The following MACROH2A1 variants were observed in gnomAD, a reference collection of about 807,000 sequenced individuals.
MACROH2A1 encodes macroH2A.1 histone.
A neutral mutation model predicts 31.6 loss-of-function variants in MACROH2A1; 2 were observed. The observed-to-expected ratio is 0.06, with a 90% confidence interval of 0.03 to 0.20. The LOEUF (loss-of-function observed/expected upper bound fraction) is 0.20. Ranked by LOEUF, MACROH2A1 falls within the 10% of genes least tolerant of loss-of-function variation. MACROH2A1 has a pLI of 1.00. For missense variants in MACROH2A1, 230 were observed against 474.0 expected (o/e 0.49, Z 4.78); for synonymous variants, 169 against 189.6 (o/e 0.89, Z 0.89).
chr5:135,360,097 C>T (rs912756425), intron 5 of MACROH2A1: 9 of 267,136 alleles, frequency 3.4e-5, no homozygotes, highest in African/African-American at 2.0e-4. Context: ...CCGTTAGTGC[C>T]CCCCAGGACA....
chr5:135,343,033 C>T, intron 8 of MACROH2A1: 3 of 988,960 alleles, frequency 3.0e-6, no homozygotes, highest in Non-Finnish European at 2.9e-6. Flanking sequence ...TCTGTGATGA[C>T]ATTTGCTATC....
intron 2 of MACROH2A1, among the ~76,000 whole-genome samples, chr5:135,382,974 G>A (rs948686341): frequency 2.0e-5 from 3 of 152,204 alleles, no homozygotes; most frequent in African/African-American, 7.2e-5. Context: ...ATCAAGCTAT[G>A]CTGCACCTTC....
chr5:135,360,786 G>A, intron 4 of MACROH2A1, 179 bp from the exon 5 acceptor site: 1 of 699,222 alleles, frequency 1.4e-6, no homozygotes, highest in Non-Finnish European at 2.6e-6. Flanking sequence ...GAGTTCTGTG[G>A]AGTGTGTTAA....
intron 2 of MACROH2A1, among the ~76,000 whole-genome samples, chr5:135,378,211 G>A (rs1458501443): frequency 1.3e-5 from 2 of 152,218 alleles, no homozygotes; most frequent in Non-Finnish European, 2.9e-5. Context: ...CGCCTGCTGT[G>A]GCTCCTCAGG....
At chr5:135,376,577 G>A (rs1764901138) in intron 2 of MACROH2A1, among the ~76,000 whole-genome samples, 1 of 152,260 alleles carries the variant, frequency 6.6e-6, no homozygotes, top group Non-Finnish European at 1.5e-5. Flanking sequence ...GTCTGCAGGG[G>A]AGGGCAGCAA....
chr5:135,340,882 GATGTGGCCTGGGTAGCTGTACAC>G (rs1289906014), intron 8 of MACROH2A1, among the ~76,000 whole-genome samples: 1 of 152,220 alleles, frequency 6.6e-6, no homozygotes, highest in African/African-American at 2.4e-5. Context: ...CTGCCTGGCA[GATGTGGCCTGGGTAGCTGTACAC>G]ATGTGCTGCC....
Position 135,388,971 on chromosome 5 carries a change from A to G in MACROH2A1, c.123T>C (p.Ile41=). The G allele has an allele frequency of 6.2e-7, 1 of 1,613,416 alleles. No individual in the cohort carries two copies. Among genetic ancestry groups the G allele is most frequent in the Non-Finnish European group, 8.5e-7 (1 of 1,179,446 alleles). ...YIKKGHPKYR[I]GVGAPVYMAA... is the part of the protein sequence containing the mutation. ...CCATGTACACGGGTGCCCCCACTCCAATCCTGTACTTGGGGTGGCCTTTCT... is the reference window on the plus strand; with the variant it reads ...CCATGTACACGGGTGCCCCCACTCCGATCCTGTACTTGGGGTGGCCTTTCT... Residue 41 remains isoleucine (I), a synonymous_variant, in exon 2 of 9, where the codon ATT becomes ATC. Transcript: ENST00000511689.
At chr5:135,360,398 G>A (rs1434696521) in intron 5 of MACROH2A1, 99 bp downstream of exon 5, 2 of 799,388 alleles carry the variant, frequency 2.5e-6, no homozygotes, top group Non-Finnish European at 4.3e-6. Flanking sequence ...ACGAGGCTGG[G>A]AGTGGCCCCC....
At chr5:135,394,566 G>A (rs1767702489) in intron 1 of MACROH2A1, among the ~76,000 whole-genome samples, 1 of 152,138 alleles carries the variant, frequency 6.6e-6, no homozygotes, top group Non-Finnish European at 1.5e-5. Flanking sequence ...CCCTCAGGCT[G>A]CCCCTATTCT....
rs774343796 is a variant in MACROH2A1 at position 135,398,166 on chromosome 5, ACCAACT to A, written c.-34+890_-34+895del. ...AAAGAACCTTTCAAGCAATGTACTG[ACCAACT>A]CCTTGAGTGATCTGTGGCCCCTGCA... On this transcript the variant is annotated intron_variant, in intron 1 of 8. Coordinates refer to ENST00000511689, the MANE Select transcript of MACROH2A1 (RefSeq NM_138610.3). The surrounding 1 kb of genome is among the most constrained non-coding windows in gnomAD (Gnocchi z 4.6). Among the ~76,000 whole-genome samples, 2 of 152,056 alleles carry A rather than the reference ACCAACT, an allele frequency of 1.3e-5. No individual in the cohort carries two copies. Among genetic ancestry groups the A allele is most frequent in the Non-Finnish European group, 2.9e-5 (2 of 67,998 alleles).
At chr5:135,372,812 C>T (rs1028966578) in intron 2 of MACROH2A1, among the ~76,000 whole-genome samples, 3 of 152,238 alleles carry the variant, frequency 2.0e-5, no homozygotes, top group African/African-American at 4.8e-5. Context: ...GCAGGAAGGC[C>T]TGAGAGGCAT....
At chr5:135,386,060 A>C (rs1478215082) in intron 2 of MACROH2A1, among the ~76,000 whole-genome samples, 1 of 152,196 alleles carries the variant, frequency 6.6e-6, no homozygotes, top group East Asian at 1.9e-4. Flanking sequence ...GCCAAAAAAC[A>C]AAGTTCTAAG....
intron 1 of MACROH2A1, among the ~76,000 whole-genome samples, chr5:135,390,832 A>G (rs1767128243): frequency 1.3e-5 from 2 of 152,236 alleles, no homozygotes; most frequent in South Asian, 4.1e-4. Context: ...ATCATCTGGG[A>G]TGAGCCACAG....
intron 2 of MACROH2A1, among the ~76,000 whole-genome samples, chr5:135,379,389 A>T (rs1256733474): frequency 6.6e-6 from 1 of 152,174 alleles, no homozygotes; most frequent in Non-Finnish European, 1.5e-5. Context: ...AAAGGGAGGG[A>T]TCCAGGGTCA....
At chr5:135,353,066 TG>T in intron 5 of MACROH2A1, 21 bp from the exon 6 acceptor site, 1 of 1,466,756 alleles carries the variant, frequency 6.8e-7, no homozygotes, top group Non-Finnish European at 9.6e-7. Flanking sequence ...AAGCATGAGG[TG>T]GGAAATAACA....
At chr5:135,364,600 A>C (rs1581236294) in intron 4 of MACROH2A1, among the ~76,000 whole-genome samples, 1 of 152,336 alleles carries the variant, frequency 6.6e-6, no homozygotes, top group South Asian at 2.1e-4. Flanking sequence ...ACACTCGCCC[A>C]GCTTTGTTCT....
chr5:135,385,943 G>A (rs559791989), intron 2 of MACROH2A1, among the ~76,000 whole-genome samples: 3 of 152,270 alleles, frequency 2.0e-5, no homozygotes, highest in South Asian at 4.1e-4. Flanking sequence ...GCCTAGCACG[G>A]TGCCTGGCAG....
chr5:135,372,578 G>C (rs1383521295), intron 2 of MACROH2A1, among the ~76,000 whole-genome samples: 1 of 152,224 alleles, frequency 6.6e-6, no homozygotes, highest in Non-Finnish European at 1.5e-5. Context: ...TGTGACCTTG[G>C]GCCCTGGGTA....
intron 2 of MACROH2A1, among the ~76,000 whole-genome samples, chr5:135,374,180 T>G (rs1275341200): frequency 1.3e-5 from 2 of 152,096 alleles, no homozygotes; most frequent in Admixed American, 6.5e-5. Flanking sequence ...TAGTCCAGGT[T>G]TAGAAAAAGC....
Sources: gnomAD v4.1 joint callset for allele counts (sites outside exome capture counted in the v4.1 genomes callset) on GRCh38, gnomAD v4.1.1 for gene constraint, Gnocchi (gnomAD v3.1) non-coding constraint, MANE v1.5 for transcripts, NCBI Gene and HGNC (gene_info 2026-07-23, HGNC 2026-07-21) for gene names.